Variants in VPS8 observed in about 807,000 individuals in gnomAD.
VPS8 encodes vacuolar protein sorting-associated protein 8 homolog.
A neutral mutation model predicts 216.4 loss-of-function variants in VPS8; 129 were observed. That is an observed-to-expected ratio of 0.60 (90% CI 0.52 to 0.69). The LOEUF is 0.69. VPS8 is among the 30% of genes least tolerant of loss of function. The pLI, the probability that VPS8 is intolerant of heterozygous loss-of-function variation, is 0.00. For missense variants in VPS8, 1,531 were observed against 1,683.5 expected (o/e 0.91, Z 1.59); for synonymous variants, 571 against 565.4 (o/e 1.01, Z -0.14).
intron 25 of VPS8, among the ~76,000 whole-genome samples, chr3:184,908,405 C>T (rs896447335): frequency 5.9e-5 from 9 of 152,212 alleles, no homozygotes; most frequent in African/African-American, 1.9e-4. Context: ...ATCCGGCTGG[C>T]CACTCCAAGT....
chr3:184,995,853 A>G (rs745659394), intron 43 of VPS8, among the ~76,000 whole-genome samples: 5 of 152,202 alleles, frequency 3.3e-5, no homozygotes, highest in Non-Finnish European at 7.3e-5. Flanking sequence ...AAATAGAGTA[A>G]TGGCCATTAG....
chr3:184,818,603 C>A (rs1440587218), intron 1 of VPS8, among the ~76,000 whole-genome samples: 2 of 150,762 alleles, frequency 1.3e-5, no homozygotes, highest in Non-Finnish European at 2.9e-5. Flanking sequence ...TTTTATTTTT[C>A]CCTTTACAAA....
intron 25 of VPS8, among the ~76,000 whole-genome samples, chr3:184,913,030 T>A (rs1444403963): frequency 1.3e-5 from 2 of 152,220 alleles, no homozygotes; most frequent in Admixed American, 6.5e-5. Flanking sequence ...TTACATTTTT[T>A]ATGTAACTTA....
chr3:185,005,189 T>G (rs942805879), intron 45 of VPS8, among the ~76,000 whole-genome samples: 1 of 152,156 alleles, frequency 6.6e-6, no homozygotes, highest in Non-Finnish European at 1.5e-5. Context: ...GCTGTAAGTA[T>G]TTGGCTTTAT....
chr3:184,836,493 C>T (rs1721120462), intron 5 of VPS8, among the ~76,000 whole-genome samples: 1 of 152,106 alleles, frequency 6.6e-6, no homozygotes, highest in African/African-American at 2.4e-5. Flanking sequence ...GTTCTCCTTC[C>T]CCTTGAAGAG....
At chr3:185,042,163 A>G (rs1250992968) in intron 46 of VPS8, among the ~76,000 whole-genome samples, 2 of 152,220 alleles carry the variant, frequency 1.3e-5, no homozygotes, top group Non-Finnish European at 2.9e-5. Flanking sequence ...TATTCCAGAC[A>G]TCATAACACC....
chr3:184,834,642 T>C lies in VPS8; in HGVS notation c.354-7T>C. 6.5e-7 allele frequency: 1 copy of C among 1,527,946 alleles called. No homozygotes were observed. The highest frequency in any genetic ancestry group is 8.8e-7 in the Non-Finnish European group (1 of 1,140,010). 94.6% of individuals were successfully genotyped at this position (1,527,946 alleles called of 1,614,324 possible). On this transcript the variant is annotated splice_region_variant and splice_polypyrimidine_tract_variant and intron_variant, in intron 4 of 47. Coordinates refer to ENST00000625842, the MANE Select transcript of VPS8 (RefSeq NM_001009921.3). ...TGTTTTTAAATGTTTTTCTTTTTTT[T>C]TTTCAGGAAGAAGAAATTACCTGAT...
At chr3:185,050,659 CA>C (rs1186963720) in intron 47 of VPS8, among the ~76,000 whole-genome samples, 1 of 152,242 alleles carries the variant, frequency 6.6e-6, no homozygotes, top group African/African-American at 2.4e-5. Context: ...ACACACATGT[CA>C]AGGATCTAGC....
At chr3:185,045,243 T>C (rs965289258) in intron 46 of VPS8, among the ~76,000 whole-genome samples, 6 of 53,194 alleles carry the variant, frequency 1.1e-4, no homozygotes, top group Non-Finnish European at 2.2e-4. Flanking sequence ...TGTAGAAAGA[T>C]AATTAGGAAA....
intron 35 of VPS8, among the ~76,000 whole-genome samples, chr3:184,937,606 G>T (rs1741873188): frequency 6.6e-6 from 1 of 152,162 alleles, no homozygotes; most frequent in Non-Finnish European, 1.5e-5. Flanking sequence ...AAGAGAAGAG[G>T]GTGATGGATT....
chr3:185,017,163 A>C (rs1755922441), intron 45 of VPS8, among the ~76,000 whole-genome samples: 1 of 152,272 alleles, frequency 6.6e-6, no homozygotes, highest in Middle Eastern at 3.4e-3. Context: ...AATTGGTTGA[A>C]TAGTCCAGGT....
chr3:185,042,448 G>A (rs1193173490), intron 46 of VPS8, among the ~76,000 whole-genome samples: 4 of 152,188 alleles, frequency 2.6e-5, no homozygotes, highest in Non-Finnish European at 5.9e-5. Flanking sequence ...ATGCCACGTG[G>A]CAAGACTCCA....
Position 184,964,522 on chromosome 3 carries a change from G to C in VPS8, c.3238G>C (p.Gly1080Arg). ...CACCGCTTATCTATTGGAAAAGAAAGGAGATATTCATGGTGCCTTCCTAAT... is the reference window on the plus strand; with the variant it reads ...CACCGCTTATCTATTGGAAAAGAAACGAGATATTCATGGTGCCTTCCTAAT... ...EVTAYLLEKK[G>R]DIHGAFLIML... Residue 1080 changes from glycine (G) to arginine (R), a missense_variant, in exon 38 of 48, where the codon GGA becomes CGA. By Grantham distance (125) the Gly-to-Arg change is moderately radical. Transcript: ENST00000625842. The C allele has an allele frequency of 6.6e-7, 1 of 1,519,610 alleles. No homozygotes were observed. Among genetic ancestry groups the C allele is most frequent in the Non-Finnish European group, 8.9e-7 (1 of 1,128,514 alleles). 94.1% of individuals were successfully genotyped at this position (1,519,610 alleles called of 1,614,324 possible).
chr3:184,849,133 A>C lies in VPS8; in HGVS notation c.604A>C (p.Ile202Leu). ...TAGTGTTGGAGGTCAGTATGGCGCT[A>C]TCTCTGCCCTCAGTATCAACAATGA... Reference protein sequence around the residue: ...STSVGGQYGAISALSINNDCS... With the variant: ...STSVGGQYGALSALSINNDCS... Residue 202 changes from isoleucine to leucine, a missense_variant, in exon 9 of 48, where the codon ATC becomes CTC. This residue lies in a region of VPS8 where 1,318 missense variants were observed against 1,468.4 expected (regional missense o/e 0.90). Coordinates refer to ENST00000625842, the MANE Select transcript of VPS8 (RefSeq NM_001009921.3). The C allele has an allele frequency of 6.2e-7, 1 of 1,613,682 alleles. No homozygotes were observed. Among genetic ancestry groups the C allele is most frequent in the African/African-American group, 1.3e-5 (1 of 75,024 alleles).
intron 21 of VPS8, among the ~76,000 whole-genome samples, chr3:184,885,182 C>T (rs79932863): frequency 0.027 from 4,066 of 152,164 alleles, 193 homozygotes; most frequent in African/African-American, 0.093. Flanking sequence ...TAGTTTTGAC[C>T]TTTTTATCAG....
chr3:184,974,998 A>G (rs980441645), intron 40 of VPS8, among the ~76,000 whole-genome samples: 1 of 152,006 alleles, frequency 6.6e-6, no homozygotes, highest in Non-Finnish European at 1.5e-5. Flanking sequence ...TATGATGCCT[A>G]TAGATGTATC....
chr3:184,900,673 C>A (rs1734318827), intron 24 of VPS8, among the ~76,000 whole-genome samples: 1 of 152,124 alleles, frequency 6.6e-6, no homozygotes, highest in South Asian at 2.1e-4. Flanking sequence ...AAATTATAAT[C>A]TCAGATAAGC....
At chr3:184,952,538 T>TCCC (rs75675157) in intron 36 of VPS8, among the ~76,000 whole-genome samples, 80,565 of 151,942 alleles carry the variant, frequency 0.53, 22,661 homozygotes, top group Middle Eastern at 0.69. Flanking sequence ...AAATAAGCAG[T>TCCC]TCAAGGGAGG....
intron 36 of VPS8, among the ~76,000 whole-genome samples, chr3:184,941,367 G>T (rs1047269907): frequency 6.9e-6 from 1 of 145,510 alleles, no homozygotes; most frequent in Non-Finnish European, 1.5e-5. Flanking sequence ...CCTTTTCAAA[G>T]TATCTGTATT....
Sources: gnomAD v4.1 joint callset for allele counts (sites outside exome capture counted in the v4.1 genomes callset) on GRCh38, gnomAD v4.1.1 for gene constraint, gnomAD v4.1.1 regional missense constraint, MANE v1.5 for transcripts, NCBI Gene and HGNC (gene_info 2026-07-23, HGNC 2026-07-21) for gene names.